RUFY4: variants seen among roughly 807,000 people sequenced by gnomAD.
RUFY4 encodes the protein RUN and FYVE domain containing 4, also known as RUN and FYVE domain-containing protein 4.
RUFY4 carries 73 observed loss-of-function variants against 69.0 expected under a neutral mutation model. The ratio of observed to expected loss-of-function variants is 1.06; its 90% CI spans 0.88 to 1.29. The LOEUF (loss-of-function observed/expected upper bound fraction) is 1.29, where lower values mean the gene tolerates loss of function less well. RUFY4 is among the 50% of genes most tolerant of loss of function. The pLI is 0.00. For missense variants in RUFY4, 770 were observed against 705.6 expected (o/e 1.09, Z -1.03); for synonymous variants, 287 against 271.8 (o/e 1.06, Z -0.55).
chr2:218,060,399 G>A, intron 3 of RUFY4: 3 of 1,555,796 alleles, frequency 1.9e-6, no homozygotes, highest in Non-Finnish European at 2.6e-6. Flanking sequence ...TGCTGTCTTT[G>A]GGCAGGGAGT....
intron 9 of RUFY4, among the ~76,000 whole-genome samples, chr2:218,087,639 G>A (rs1205691897): frequency 1.3e-5 from 2 of 152,030 alleles, no homozygotes; most frequent in Admixed American, 6.5e-5. Context: ...GACTAGCCTG[G>A]CCAACATGCT....
At chr2:218,086,214 T>C (rs1689891555) in intron 9 of RUFY4, among the ~76,000 whole-genome samples, 1 of 152,158 alleles carries the variant, frequency 6.6e-6, no homozygotes, top group Admixed American at 6.5e-5. Context: ...TAATTAGACA[T>C]ACAGATAATC....
exon 7 of RUFY4, chr2:218,075,507 T>A (rs1689606698): frequency 6.3e-7 from 1 of 1,574,842 alleles, no homozygotes; most frequent in African/African-American, 1.4e-5. Context: ...GGAAGCAGAG[T>A]GGAGTCACGT....
intron 3 of RUFY4, among the ~76,000 whole-genome samples, chr2:218,062,939 C>G (rs1352583700): frequency 6.6e-6 from 1 of 152,132 alleles, no homozygotes; most frequent in Non-Finnish European, 1.5e-5. Flanking sequence ...CTTGGTGGCT[C>G]TCCAGCCTTG....
chr2:218,049,358 T>C (rs1688894454), intron 2 of RUFY4, among the ~76,000 whole-genome samples: 1 of 152,224 alleles, frequency 6.6e-6, no homozygotes, highest in Non-Finnish European at 1.5e-5. Context: ...TTTTGCTGAA[T>C]ATGATATTTG....
intron 2 of RUFY4, among the ~76,000 whole-genome samples, chr2:218,040,368 T>C (rs1209618870): frequency 1.3e-5 from 2 of 152,196 alleles, no homozygotes; most frequent in Non-Finnish European, 2.9e-5. Flanking sequence ...CCTCTAACTG[T>C]TAAGTCACTC....
chr2:218,039,392 T>C (rs529475952), intron 2 of RUFY4, among the ~76,000 whole-genome samples: 1 of 152,334 alleles, frequency 6.6e-6, no homozygotes, highest in South Asian at 2.1e-4. Context: ...TGGTGACACA[T>C]GGTCCATGAA....
intron 7 of RUFY4, among the ~76,000 whole-genome samples, chr2:218,076,038 C>T (rs1048245953): frequency 1.3e-5 from 2 of 152,180 alleles, no homozygotes; most frequent in South Asian, 2.1e-4. Context: ...GCAGTCACTT[C>T]CTCTCTCCAG....
chr2:218,073,114 G>A, intron 4 of RUFY4, 129 bp from the exon 7 acceptor site: 2 of 1,261,338 alleles, frequency 1.6e-6, no homozygotes, highest in Non-Finnish European at 1.1e-6. Flanking sequence ...AACTCTGCCT[G>A]GGGAACAGCC....
At chr2:218,068,861 C>G (rs1689410681), upstream of RUFY4, 1 of 152,550 alleles carries the variant, frequency 6.6e-6, no homozygotes, top group South Asian at 2.1e-4. Flanking sequence ...TGGTGGGACC[C>G]TCGCCCTGCC....
At chr2:218,042,751 AT>A (rs1688727494) in intron 2 of RUFY4, among the ~76,000 whole-genome samples, 1 of 152,112 alleles carries the variant, frequency 6.6e-6, no homozygotes, top group African/African-American at 2.4e-5. Context: ...GGCAGTTTTA[AT>A]TTTTAGTGAA....
intron 2 of RUFY4, among the ~76,000 whole-genome samples, chr2:218,054,270 T>G (rs540928439): frequency 3.9e-5 from 6 of 152,298 alleles, no homozygotes; most frequent in African/African-American, 1.4e-4. Context: ...GATCATGGAC[T>G]AGGGTCGGGC....
At chr2:218,082,633 C>G (rs1432498000) in intron 8 of RUFY4, among the ~76,000 whole-genome samples, 1 of 151,996 alleles carries the variant, frequency 6.6e-6, no homozygotes, top group Non-Finnish European at 1.5e-5. Flanking sequence ...TGTAAACGCA[C>G]ATACATTGTG....
intron 2 of RUFY4, among the ~76,000 whole-genome samples, chr2:218,043,633 T>C (rs549509872): frequency 6.6e-6 from 1 of 152,192 alleles, no homozygotes; most frequent in Non-Finnish European, 1.5e-5. Flanking sequence ...GTATGCATTG[T>C]CTTCAGATGG....
At chr2:218,035,909 T>A (rs1222735721) in intron 2 of RUFY4, among the ~76,000 whole-genome samples, 2 of 152,100 alleles carry the variant, frequency 1.3e-5, no homozygotes, top group Non-Finnish European at 2.9e-5. Context: ...TCGAGGAGGA[T>A]GAGTACCCGG....
chr2:218,053,487 A>G (rs1406165823), intron 2 of RUFY4, among the ~76,000 whole-genome samples: 1 of 151,894 alleles, frequency 6.6e-6, no homozygotes, highest in East Asian at 1.9e-4. Flanking sequence ...CTCAGACTAC[A>G]GGCATGCGCC....
At chr2:218,045,608 C>T (rs907394116) in intron 2 of RUFY4, among the ~76,000 whole-genome samples, 6 of 151,858 alleles carry the variant, frequency 4.0e-5, no homozygotes, top group Non-Finnish European at 7.4e-5. Flanking sequence ...ATCTAATTAA[C>T]TCTTTTGTTT....
At chr2:218,054,859 T>C (rs193018181) in intron 2 of RUFY4, among the ~76,000 whole-genome samples, 9 of 152,372 alleles carry the variant, frequency 5.9e-5, no homozygotes, top group Non-Finnish European at 1.3e-4. Flanking sequence ...TTATTCTTCC[T>C]ACTTGATCCT....
intron 3 of RUFY4, among the ~76,000 whole-genome samples, chr2:218,062,263 G>A (rs953900320): frequency 4.1e-4 from 63 of 152,134 alleles, no homozygotes; most frequent in African/African-American, 1.3e-3. Context: ...AAAATTAGCC[G>A]GGCATGGTGG....
Sources: gnomAD v4.1 joint callset for allele counts (sites outside exome capture counted in the v4.1 genomes callset) on GRCh38, gnomAD v4.1.1 for gene constraint, MANE v1.5 for transcripts, NCBI Gene and HGNC (gene_info 2026-07-23, HGNC 2026-07-21) for gene names.